The following PIK3R5 variants were observed in gnomAD, a reference collection of about 807,000 sequenced individuals.
The protein encoded by PIK3R5 is phosphoinositide 3-kinase regulatory subunit 5.
Under a neutral mutation model 94.9 loss-of-function variants are expected in PIK3R5, and 32 were observed. That is an observed-to-expected ratio of 0.34 (90% CI 0.25 to 0.45). PIK3R5 has a LOEUF of 0.45. PIK3R5 is among the 20% of genes least tolerant of loss of function. The pLI is 1.00. For missense variants in PIK3R5, 853 were observed against 1,144.6 expected (o/e 0.75, Z 3.68); for synonymous variants, 443 against 479.4 (o/e 0.92, Z 0.99).
Position 8,890,326 on chromosome 17 carries a change from C to T in PIK3R5, c.658-200G>A, listed in dbSNP as rs1204583824. Reference sequence around the variant, plus strand: ...CAGGAAATGGTCAGGAGAGAAAGATCCAGAGCCACGGCACTGCAGTTAGGA... The same window carrying T: ...CAGGAAATGGTCAGGAGAGAAAGATTCAGAGCCACGGCACTGCAGTTAGGA... On this transcript the variant is annotated intron_variant, in intron 7 of 18. Transcript: ENST00000447110. This position sits in a 1 kb window ranked among gnomAD's most constrained non-coding sequence, Gnocchi z 6.1. 6.6e-6 allele frequency among the ~76,000 whole-genome samples: 1 copy of T among 152,136 alleles called. No individual in the cohort carries two copies. Among genetic ancestry groups the T allele is most frequent in the South Asian group, 2.1e-4 (1 of 4,828 alleles).
rs1242947725 is a variant in PIK3R5, at chr17:8,935,977, C to A, written c.-13-24470G>T. On this transcript the variant is annotated intron_variant, in intron 1 of 18. Transcript: ENST00000447110. This position sits in a 1 kb window ranked among gnomAD's most constrained non-coding sequence, Gnocchi z 4.5. ...GCTGAGGCAGGAGAATGGCGTGAAC[C>A]CGGGAGGCGGAGATTGCAGTGAGCT... Among the ~76,000 whole-genome samples, 3 of 151,510 alleles carry A rather than the reference C, an allele frequency of 2.0e-5. No homozygotes were observed. Among genetic ancestry groups the A allele is most frequent in the Non-Finnish European group, 4.4e-5 (3 of 67,874 alleles).
intron 10 of PIK3R5, among the ~76,000 whole-genome samples, 182 bp from the exon 11 acceptor site, chr17:8,887,865 G>A (rs569033929): frequency 1.3e-5 from 2 of 151,138 alleles, no homozygotes; most frequent in South Asian, 4.2e-4. Flanking sequence ...GTCAGGTGTG[G>A]TGGTGTGCAC....
rs956209997 is a variant in PIK3R5 at position 8,896,822 on chromosome 17, A to G, written c.413-3167T>C. On this transcript the variant is annotated intron_variant, in intron 5 of 18. Coordinates refer to ENST00000447110, the MANE Select transcript of PIK3R5 (RefSeq NM_001142633.3). This position sits in a 1 kb window ranked among gnomAD's most constrained non-coding sequence, Gnocchi z 4.0. Reference sequence around the variant, plus strand: ...CCTGGGGGAGGCAGGGAGCAACCACATCTGACTCAGTTTCCTCCTACAAGG... The same window carrying G: ...CCTGGGGGAGGCAGGGAGCAACCACGTCTGACTCAGTTTCCTCCTACAAGG... Among the ~76,000 whole-genome samples the G allele has an allele frequency of 1.3e-5, 2 of 152,188 alleles. No homozygotes were observed. Among genetic ancestry groups the G allele is most frequent in the Non-Finnish European group, 2.9e-5 (2 of 68,020 alleles).
chr17:8,933,071 A>T (rs1352802206), intron 1 of PIK3R5, among the ~76,000 whole-genome samples: 1 of 152,216 alleles, frequency 6.6e-6, no homozygotes. Flanking sequence ...ACTAGGATAG[A>T]GTGATATACA....
At chr17:8,934,668 G>A (rs2091041636) in intron 1 of PIK3R5, among the ~76,000 whole-genome samples, 1 of 152,160 alleles carries the variant, frequency 6.6e-6, no homozygotes, top group Non-Finnish European at 1.5e-5. Context: ...TTGCTCTAGG[G>A]CTACAGTAAT....
Position 8,884,882 on chromosome 17 carries a change from T to A in PIK3R5, c.2129-99A>T. 1.1e-6 allele frequency: 1 copy of A among 931,800 alleles called. No individual in the cohort carries two copies. The highest frequency in any genetic ancestry group is 1.7e-6 in the Non-Finnish European group (1 of 579,638). The allele number at this position is 931,800 out of a possible 1,614,324, so 57.7% of individuals were successfully genotyped here. On this transcript the variant is annotated intron_variant, in intron 14 of 18. Transcript: ENST00000447110. The surrounding 1 kb of genome is among the most constrained non-coding windows in gnomAD (Gnocchi z 5.8). ...CCCTGGGCCTTACCTCCCCATCCCC[T>A]ACCACATGGACCGTGACTCCCTAGG...
At chr17:8,923,034 G>A (rs116550663) in intron 1 of PIK3R5, among the ~76,000 whole-genome samples, 5,975 of 152,232 alleles carry the variant, frequency 0.039, 173 homozygotes, top group Non-Finnish European at 0.055. Context: ...GAAGAAATGG[G>A]ATGAGGATGA....
intron 5 of PIK3R5, among the ~76,000 whole-genome samples, chr17:8,895,418 G>A (rs540261410): frequency 6.6e-6 from 1 of 152,186 alleles, no homozygotes; most frequent in South Asian, 2.1e-4. Flanking sequence ...CTCTGACGTC[G>A]CTCTCCCTCC....
chr17:8,884,357 C>G lies in PIK3R5; in HGVS notation c.2205+350G>C, dbSNP rs1452584130. Reference sequence around the variant, plus strand: ...ATGCAGCCTGCCAGGCACACTGGCCCCCCGAGACCCTGGCTTCTCCCTGAG... The same window carrying G: ...ATGCAGCCTGCCAGGCACACTGGCCGCCCGAGACCCTGGCTTCTCCCTGAG... On this transcript the variant is annotated intron_variant, in intron 15 of 18. Transcript: ENST00000447110. This position sits in a 1 kb window ranked among gnomAD's most constrained non-coding sequence, Gnocchi z 5.8. 6.6e-6 allele frequency among the ~76,000 whole-genome samples: 1 copy of G among 152,114 alleles called. No homozygotes were observed. Among genetic ancestry groups the G allele is most frequent in the Non-Finnish European group, 1.5e-5 (1 of 68,016 alleles).
chr17:8,951,718 G>T (rs547848602), intron 1 of PIK3R5, among the ~76,000 whole-genome samples: 1 of 152,284 alleles, frequency 6.6e-6, no homozygotes, highest in East Asian at 1.9e-4. Flanking sequence ...TTTCAGCAGG[G>T]CTTAGGAGGC....
chr17:8,957,686 G>A (rs866960545), intron 1 of PIK3R5, among the ~76,000 whole-genome samples: 2 of 152,192 alleles, frequency 1.3e-5, no homozygotes, highest in Non-Finnish European at 2.9e-5. Context: ...GGGACCTAGT[G>A]GCTGAACATT....
At chr17:8,958,064 A>G (rs977460404) in intron 1 of PIK3R5, among the ~76,000 whole-genome samples, 2 of 152,240 alleles carry the variant, frequency 1.3e-5, no homozygotes, top group East Asian at 1.9e-4. Flanking sequence ...TAATCCCAGC[A>G]CTTTGGGAGG....
Position 8,911,789 on chromosome 17 carries a change from C to A in PIK3R5, c.-13-282G>T, listed in dbSNP as rs61759568. The A allele has an allele frequency of 2.2e-5, 2 of 91,798 alleles. No homozygotes were observed. Among genetic ancestry groups the A allele is most frequent in the African/African-American group, 1.7e-4 (1 of 5,940 alleles). 5.7% of individuals were successfully genotyped at this position (91,798 alleles called of 1,614,324 possible). Reference sequence around the variant, plus strand: ...AATGGGAGCAGAGAGGTGGAAAGGGCACTGGGCAGTGGGAAGTGTCGCCAA... The same window carrying A: ...AATGGGAGCAGAGAGGTGGAAAGGGAACTGGGCAGTGGGAAGTGTCGCCAA... On this transcript the variant is annotated intron_variant, in intron 1 of 18. Transcript: ENST00000447110. This position sits in a 1 kb window ranked among gnomAD's most constrained non-coding sequence, Gnocchi z 5.3.
chr17:8,901,633 G>A (rs975498778), intron 5 of PIK3R5, among the ~76,000 whole-genome samples: 8 of 152,210 alleles, frequency 5.3e-5, no homozygotes, highest in Admixed American at 4.6e-4. Flanking sequence ...AACGCTGCCA[G>A]TACTAAACAG....
chr17:8,955,159 C>T lies in PIK3R5; in HGVS notation c.-14+10437G>A, dbSNP rs2091447883. On this transcript the variant is annotated intron_variant, in intron 1 of 18. Transcript: ENST00000447110. This position sits in a 1 kb window ranked among gnomAD's most constrained non-coding sequence, Gnocchi z 4.4. The stretch of plus-strand genomic sequence containing the variant: ...GTCCTTGAGGGGAGGATGACCGAAC[C>T]CCACAGAGGTCTCAGATGGGGAGCA... 6.6e-6 allele frequency among the ~76,000 whole-genome samples: 1 copy of T among 152,072 alleles called. No individual in the cohort carries two copies. Among genetic ancestry groups the T allele is most frequent in the South Asian group, 2.1e-4 (1 of 4,832 alleles).
In PIK3R5 at chr17:8,881,080, G is replaced by A. The variant is rs868408273; in HGVS notation, c.2383-63C>T. 15 of 1,249,046 alleles carry A rather than the reference G, an allele frequency of 1.2e-5. No homozygotes were observed. In the South Asian group the frequency reaches 1.8e-4, roughly 15 times the overall value. The allele number at this position is 1,249,046 out of a possible 1,614,324, so 77.4% of individuals were successfully genotyped here. A position where few individuals can be genotyped will look rare whatever the true frequency, so the allele number is the denominator to read the frequency against. ...CATCCAACACTGCCAGCCCCTGGCAGTTCCTTTTCTCAGAACTGCCCATCC... is the reference window on the plus strand; with the variant it reads ...CATCCAACACTGCCAGCCCCTGGCAATTCCTTTTCTCAGAACTGCCCATCC... On this transcript the variant is annotated intron_variant, in intron 17 of 18. Transcript: ENST00000447110. This position sits in a 1 kb window ranked among gnomAD's most constrained non-coding sequence, Gnocchi z 4.8.
chr17:8,915,706 ATGC>A (rs2090616895), intron 1 of PIK3R5: 1 of 152,384 alleles, frequency 6.6e-6, no homozygotes. Flanking sequence ...CAAGCTGGTT[ATGC>A]CATGAAGCAG....
At chr17:8,885,873 T>C (rs1368705592) in intron 14 of PIK3R5, among the ~76,000 whole-genome samples, 1 of 88,096 alleles carries the variant, frequency 1.1e-5, no homozygotes, top group Non-Finnish European at 2.1e-5. Context: ...CGCCTCCCCA[T>C]GGCCCTGCCT....
intron 1 of PIK3R5, among the ~76,000 whole-genome samples, chr17:8,952,558 G>T (rs1457550981): frequency 6.6e-6 from 1 of 152,150 alleles, no homozygotes; most frequent in Non-Finnish European, 1.5e-5. Context: ...GCTATTTAAA[G>T]GCCAGACACT....
Sources: allele counts gnomAD v4.1 joint callset (sites outside exome capture counted in the v4.1 genomes callset), GRCh38; gene constraint gnomAD v4.1.1; non-coding constraint Gnocchi (gnomAD v3.1); transcripts MANE v1.5; gene names NCBI Gene and HGNC (gene_info 2026-07-23, HGNC 2026-07-21).